Variants in DCUN1D3 observed in about 807,000 individuals in gnomAD.
DCUN1D3 encodes defective in cullin neddylation 1 domain containing 3, also known as DCN1-like protein 3.
DCUN1D3 carries 6 observed loss-of-function variants against 24.8 expected under a neutral mutation model. That is an observed-to-expected ratio of 0.24 (90% CI 0.13 to 0.48). DCUN1D3 has a LOEUF of 0.48. Ranked by LOEUF, DCUN1D3 falls within the 20% of genes least tolerant of loss-of-function variation. The pLI is 0.99. For missense variants in DCUN1D3, 258 were observed against 379.4 expected, an observed-to-expected ratio of 0.68 and a Z score of 2.66; for synonymous variants, 120 against 144.9, an observed-to-expected ratio of 0.83 and a Z score of 1.24.
Position 20,866,111 on chromosome 16 carries a change from A to T in DCUN1D3, c.-105-3468T>A, listed in dbSNP as rs141888109. Among the ~76,000 whole-genome samples the T allele has an allele frequency of 5.3e-5, 8 of 152,274 alleles. No individual in the cohort carries two copies. The East Asian group carries it at 1.5e-3, about 29-fold the overall frequency. On this transcript the variant is annotated intron_variant, in intron 1 of 2. Transcript: ENST00000324344. The stretch of plus-strand genomic sequence containing the variant: ...CTACAGCTAGTAAGCCATAAGTACA[A>T]CTCATTACAATTTCAAATGGCAAGG...
At chr16:20,861,755 AAAAAAGAAAAAG>A (rs1414466800) in intron 2 of DCUN1D3, among the ~76,000 whole-genome samples, 2 of 151,946 alleles carry the variant, frequency 1.3e-5, no homozygotes, top group African/African-American at 2.4e-5. Context: ...TCTGCAAAAA[AAAAAAGAAAAAG>A]AAAAAGAAAA....
rs377140253 is a variant in DCUN1D3, at chr16:20,885,541, TA to T, written c.-106+14662del. Among the ~76,000 whole-genome samples the T allele has an allele frequency of 3.2e-3, 479 of 150,926 alleles. 3 individuals are homozygous for T. Among genetic ancestry groups the T allele is most frequent in the African/African-American group, 0.011 (462 of 41,220 alleles). ...AAAATGTTTAGGGACTACAGGTAAT[TA>T]AGGCTTTAAAAAAAAAAAAACATAA... On this transcript the variant is annotated intron_variant, in intron 1 of 2. Coordinates refer to ENST00000324344, the MANE Select transcript of DCUN1D3 (RefSeq NM_173475.4).
At chr16:20,894,765 G>C (rs1182567570) in intron 1 of DCUN1D3, among the ~76,000 whole-genome samples, 1 of 152,184 alleles carries the variant, frequency 6.6e-6, no homozygotes, top group African/African-American at 2.4e-5. Flanking sequence ...ACCACCTCAA[G>C]ACTGATTTAC....
intron 1 of DCUN1D3, among the ~76,000 whole-genome samples, chr16:20,888,735 C>A (rs933129529): frequency 3.3e-5 from 5 of 152,178 alleles, no homozygotes; most frequent in African/African-American, 1.2e-4. Context: ...GGACTACAGG[C>A]ATGAGCCACC....
chr16:20,881,666 C>T (rs959974815), intron 1 of DCUN1D3, among the ~76,000 whole-genome samples: 2 of 152,082 alleles, frequency 1.3e-5, no homozygotes, highest in Non-Finnish European at 2.9e-5. Flanking sequence ...CTATGGCTAT[C>T]CCTATTTTAC....
chr16:20,860,465 G>A lies in DCUN1D3; in HGVS notation c.432-96C>T. ...TAAGAGCAAGGCTTTCAGGCCAGAT[G>A]GTCTGAATTTGAATTCTAACTCCTC... On this transcript the variant is annotated intron_variant, in intron 2 of 2. Transcript: ENST00000324344. This position sits in a 1 kb window ranked among gnomAD's most constrained non-coding sequence, Gnocchi z 4.3. 1 of 1,341,934 alleles carries A rather than the reference G, an allele frequency of 7.5e-7. No individual in the cohort carries two copies. The highest frequency in any genetic ancestry group is 1.0e-6 in the Non-Finnish European group (1 of 1,002,164). 83.1% of individuals were successfully genotyped at this position (1,341,934 alleles called of 1,614,324 possible). A position where few individuals can be genotyped will look rare whatever the true frequency, so the allele number is the denominator to read the frequency against.
chr16:20,871,612 G>A (rs1311382557), intron 1 of DCUN1D3, among the ~76,000 whole-genome samples: 1 of 152,176 alleles, frequency 6.6e-6, no homozygotes, highest in African/African-American at 2.4e-5. Context: ...ATGCCTACTT[G>A]CCAAATACAG....
intron 1 of DCUN1D3, among the ~76,000 whole-genome samples, chr16:20,879,311 G>T (rs940822187): frequency 6.6e-6 from 1 of 152,160 alleles, no homozygotes; most frequent in South Asian, 2.1e-4. Context: ...TAAGAAGTCC[G>T]CTTGTGTCAA....
intron 1 of DCUN1D3, 97 bp from the exon 2 acceptor site, chr16:20,862,740 T>A: frequency 8.3e-7 from 1 of 1,199,304 alleles, no homozygotes. Flanking sequence ...TCTATTTCCA[T>A]GAGCCAACAA....
intron 1 of DCUN1D3, among the ~76,000 whole-genome samples, chr16:20,894,369 G>A (rs1454283071): frequency 6.6e-6 from 1 of 152,130 alleles, no homozygotes; most frequent in Non-Finnish European, 1.5e-5. Flanking sequence ...CAGTGGCTCC[G>A]AGATGCTAAG....
chr16:20,872,844 G>A (rs868393521), intron 1 of DCUN1D3, among the ~76,000 whole-genome samples: 12 of 152,334 alleles, frequency 7.9e-5, no homozygotes, highest in Non-Finnish European at 1.0e-4. Context: ...CAGGCTAGGC[G>A]CAGTGGCTCA....
At chr16:20,892,097 G>A (rs1022311130) in intron 1 of DCUN1D3, among the ~76,000 whole-genome samples, 4 of 152,050 alleles carry the variant, frequency 2.6e-5, no homozygotes, top group Non-Finnish European at 1.5e-5. Flanking sequence ...GAGTCTTTAG[G>A]CTTTTCTCTT....
rs554515995 is a variant in DCUN1D3 at position 20,865,642 on chromosome 16, C to T, written c.-105-2999G>A. Among the ~76,000 whole-genome samples, 7 of 152,310 alleles carry T rather than the reference C, an allele frequency of 4.6e-5. No individual in the cohort carries two copies. The South Asian group carries it at 1.4e-3, about 32-fold the overall frequency. ...AAGTCAACGTCAGTCACCCGGGCCT[C>T]CCCAGGTCTAGGGAGCTTTCATGGA... is the stretch of plus-strand genomic sequence containing the variant. On this transcript the variant is annotated intron_variant, in intron 1 of 2. Transcript: ENST00000324344.
rs1295245143 is a variant in DCUN1D3, at chr16:20,860,774, GTTGT to G, written c.432-409_432-406del. On this transcript the variant is annotated intron_variant, in intron 2 of 2. Transcript: ENST00000324344. This position sits in a 1 kb window ranked among gnomAD's most constrained non-coding sequence, Gnocchi z 4.3. ...CTGTTTCCCTTCTGATTCTCTATGG[GTTGT>G]TTGTTTGGGGTATATTTTTAGAGAT... Among the ~76,000 whole-genome samples, 8 of 152,248 alleles carry G rather than the reference GTTGT, an allele frequency of 5.3e-5. No homozygotes were observed. The highest frequency in any genetic ancestry group is 1.4e-4 in the African/African-American group (6 of 41,530).
Position 20,860,440 on chromosome 16 carries a change from T to C in DCUN1D3, c.432-71A>G. 1 of 1,481,048 alleles carries C rather than the reference T, an allele frequency of 6.8e-7. No individual in the cohort carries two copies. Among genetic ancestry groups the C allele is most frequent in the Non-Finnish European group, 9.0e-7 (1 of 1,108,894 alleles). 91.7% of individuals were successfully genotyped at this position (1,481,048 alleles called of 1,614,324 possible). A position where few individuals can be genotyped will look rare whatever the true frequency, so the allele number is the denominator to read the frequency against. ...ATTTACAGGCAATATACATAGTGAT[T>C]AAGAGCAAGGCTTTCAGGCCAGATG... On this transcript the variant is annotated intron_variant, in intron 2 of 2. Transcript: ENST00000324344. The surrounding 1 kb of genome is among the most constrained non-coding windows in gnomAD (Gnocchi z 4.3).
intron 1 of DCUN1D3, among the ~76,000 whole-genome samples, chr16:20,881,971 T>C (rs982716568): frequency 2.6e-5 from 4 of 151,842 alleles, no homozygotes; most frequent in Admixed American, 6.6e-5. Flanking sequence ...CCCAGCTAAT[T>C]CTTGTATTTT....
chr16:20,885,694 C>T (rs527254958), intron 1 of DCUN1D3, among the ~76,000 whole-genome samples: 5 of 152,314 alleles, frequency 3.3e-5, no homozygotes, highest in Admixed American at 2.6e-4. Context: ...TACTCGTTTC[C>T]CTTCTCAAGA....
chr16:20,860,341 T>C lies in DCUN1D3; in HGVS notation c.460A>G (p.Ile154Val), dbSNP rs2081725407. Residue 154 changes from isoleucine (I) to valine (V), a missense_variant, in exon 3 of 3, where the codon ATA becomes GTA. Transcript: ENST00000324344. The surrounding 1 kb of genome is among the most constrained non-coding windows in gnomAD (Gnocchi z 4.3). ...ATTCCGTCAATGCTGTCTGCACTTA[T>C]TGCTTTGCAGCCATCAAAAAACTCC... Reference protein sequence around the residue: ...RKEFFDGCKAISADSIDGICA... With the variant: ...RKEFFDGCKAVSADSIDGICA... The C allele has an allele frequency of 3.1e-6, 5 of 1,613,452 alleles. No homozygotes were observed. Among genetic ancestry groups the C allele is most frequent in the East Asian group, 2.2e-5 (1 of 44,868 alleles).
At chr16:20,866,399 A>T (rs1410882011) in intron 1 of DCUN1D3, among the ~76,000 whole-genome samples, 1 of 152,096 alleles carries the variant, frequency 6.6e-6, no homozygotes, top group African/African-American at 2.4e-5. Context: ...CAGCGAGATA[A>T]GAGGATTTCC....
Sources: gnomAD v4.1 joint callset for allele counts (sites outside exome capture counted in the v4.1 genomes callset) on GRCh38, gnomAD v4.1.1 for gene constraint, Gnocchi (gnomAD v3.1) non-coding constraint, MANE v1.5 for transcripts, NCBI Gene and HGNC (gene_info 2026-07-23, HGNC 2026-07-21) for gene names.